Variants in CNNM2 observed in about 807,000 individuals in gnomAD.
The protein encoded by CNNM2 is cyclin and CBS domain divalent metal cation transport mediator 2.
A neutral mutation model predicts 66.9 loss-of-function variants in CNNM2; 12 were observed. That is an observed-to-expected ratio of 0.18 (90% CI 0.11 to 0.29). CNNM2 has a LOEUF of 0.29. Among genes scored for constraint, CNNM2 ranks in the 10% least tolerant of loss-of-function variants. The pLI, the probability that CNNM2 is intolerant of heterozygous loss-of-function variation, is 1.00. For synonymous variants in CNNM2, 557 were observed against 501.8 expected, an observed-to-expected ratio of 1.11 and a Z score of -1.47; for missense variants, 705 against 1,167.7, an observed-to-expected ratio of 0.60 and a Z score of 5.77.
intron 1 of CNNM2, among the ~76,000 whole-genome samples, chr10:102,949,745 G>T (rs1846757864): frequency 6.6e-6 from 1 of 152,000 alleles, no homozygotes; most frequent in Admixed American, 6.6e-5. Context: ...AGCCGAGATT[G>T]CGCCACTGTA....
intron 1 of CNNM2, among the ~76,000 whole-genome samples, chr10:102,933,200 G>A (rs1370683379): frequency 6.6e-6 from 1 of 152,136 alleles, no homozygotes; most frequent in Admixed American, 6.5e-5. Flanking sequence ...TAGGGGCATT[G>A]CATCTGTAGA....
rs748865976 is a variant in CNNM2, at chr10:103,077,000, G to C, written c.2448G>C (p.Leu816Phe). 23 of 1,613,942 alleles carry C rather than the reference G, an allele frequency of 1.4e-5. No homozygotes were observed. Among genetic ancestry groups the C allele is most frequent in the Non-Finnish European group, 1.9e-5 (22 of 1,179,896 alleles). Residue 816 changes from leucine to phenylalanine, a missense_variant, in exon 8 of 8, where the codon TTG (leucine) becomes TTC (phenylalanine). Physicochemically the swap from Leu to Phe is conservative, Grantham distance 22. Around this residue, in one of 9 missense-constraint regions of CNNM2, gnomAD observed 194 missense variants for 227.6 expected, o/e 0.85. Transcript: ENST00000369878. ...KISRQQYQNA[L>F]MASRMDKTPQ... ...CAAGACAGCAATACCAAAATGCCTT[G>C]ATGGCATCCCGGATGGACAAAACCC...
rs74969263 is a variant in CNNM2 at position 103,028,186 on chromosome 10, T to C, written c.1622-21521T>C. On this transcript the variant is annotated intron_variant, in intron 1 of 7. Transcript: ENST00000369878. The stretch of plus-strand genomic sequence containing the variant: ...TACTCACAGAAAGCTTAAGACAGTT[T>C]GTCATTTTTACCAAGGACCAGGTCC... 5.3e-3 allele frequency among the ~76,000 whole-genome samples: 815 copies of C among 152,340 alleles called. 7 individuals are homozygous for C. The highest frequency in any genetic ancestry group is 0.018 in the African/African-American group (768 of 41,572).
At chr10:103,008,644 T>C (rs1374848194) in intron 1 of CNNM2, among the ~76,000 whole-genome samples, 4 of 152,014 alleles carry the variant, frequency 2.6e-5, no homozygotes, top group African/African-American at 9.7e-5. Flanking sequence ...CCGGGCGTGG[T>C]GGCACATGCC....
chr10:102,963,877 C>T (rs990025242), intron 1 of CNNM2, among the ~76,000 whole-genome samples: 4 of 152,130 alleles, frequency 2.6e-5, no homozygotes, highest in African/African-American at 7.2e-5. Flanking sequence ...TGTGGAAATT[C>T]AGAGGAGCAG....
At chr10:103,023,188 A>G (rs574087203) in intron 1 of CNNM2, among the ~76,000 whole-genome samples, 1 of 152,286 alleles carries the variant, frequency 6.6e-6, no homozygotes, top group East Asian at 1.9e-4. Context: ...TACAGGCATA[A>G]GCCACCATGC....
rs567127169 is a variant in CNNM2, at chr10:103,067,375, A to G, written c.2074-1254A>G. ...GAGCCACTGCTCCCAGCCTCCTAGCATCCTGATGAAGAGCTTGTTCTTTAC... is the reference window on the plus strand; with the variant it reads ...GAGCCACTGCTCCCAGCCTCCTAGCGTCCTGATGAAGAGCTTGTTCTTTAC... On this transcript the variant is annotated intron_variant, in intron 4 of 7. Transcript: ENST00000369878. 1.9e-4 allele frequency among the ~76,000 whole-genome samples: 29 copies of G among 152,238 alleles called. No homozygotes were observed. In the South Asian group the frequency reaches 2.1e-3, roughly 11 times the overall value.
At chr10:102,939,211 C>T (rs536064424) in intron 1 of CNNM2, among the ~76,000 whole-genome samples, 1 of 152,176 alleles carries the variant, frequency 6.6e-6, no homozygotes, top group Non-Finnish European at 1.5e-5. Flanking sequence ...GTAAATATTT[C>T]CTTAAGGCTT....
At chr10:102,934,703 G>T (rs1245451357) in intron 1 of CNNM2, among the ~76,000 whole-genome samples, 1 of 152,142 alleles carries the variant, frequency 6.6e-6, no homozygotes, top group African/African-American at 2.4e-5. Context: ...CGTAAACCAG[G>T]TGTTGTGGCA....
chr10:103,036,285 G>C (rs975223256), intron 1 of CNNM2, among the ~76,000 whole-genome samples: 3 of 152,240 alleles, frequency 2.0e-5, no homozygotes, highest in Non-Finnish European at 2.9e-5. Flanking sequence ...ACAGTCTGAA[G>C]TTGTTTTCTA....
chr10:102,972,072 T>G (rs957166540), intron 1 of CNNM2, among the ~76,000 whole-genome samples: 2 of 152,176 alleles, frequency 1.3e-5, no homozygotes, highest in Admixed American at 6.6e-5. Context: ...GCGTTTTTCC[T>G]TACAGAAGTC....
intron 4 of CNNM2, among the ~76,000 whole-genome samples, chr10:103,067,730 A>G (rs1282809738): frequency 1.3e-5 from 2 of 152,198 alleles, no homozygotes; most frequent in African/African-American, 4.8e-5. Context: ...AAGACACTCT[A>G]TCCCAAAAGA....
intron 1 of CNNM2, among the ~76,000 whole-genome samples, chr10:102,963,733 A>G (rs558021438): frequency 1.3e-5 from 2 of 152,272 alleles, no homozygotes; most frequent in Non-Finnish European, 2.9e-5. Flanking sequence ...TCGTGTATTC[A>G]GCATCTGCTC....
At chr10:103,072,328 C>T (rs1367625884) in intron 6 of CNNM2, among the ~76,000 whole-genome samples, 1 of 152,216 alleles carries the variant, frequency 6.6e-6, no homozygotes, top group African/African-American at 2.4e-5. Context: ...TCCACACAGG[C>T]GCACGACATT....
intron 1 of CNNM2, among the ~76,000 whole-genome samples, chr10:103,006,437 C>A (rs2064229796): frequency 6.6e-6 from 1 of 152,024 alleles, no homozygotes; most frequent in Non-Finnish European, 1.5e-5. Flanking sequence ...GAATCCGGAC[C>A]TCAAGTGATC....
chr10:103,035,082 C>T (rs2064910487), intron 1 of CNNM2, among the ~76,000 whole-genome samples: 1 of 151,710 alleles, frequency 6.6e-6, no homozygotes, highest in South Asian at 2.1e-4. Context: ...TCCAGGAATT[C>T]GAGACCAGTC....
At chr10:103,055,659 T>C (rs1313448224) in intron 3 of CNNM2, among the ~76,000 whole-genome samples, 1 of 152,256 alleles carries the variant, frequency 6.6e-6, no homozygotes, top group Non-Finnish European at 1.5e-5. Flanking sequence ...AATTACTATC[T>C]TATTACAAAA....
Position 102,986,712 on chromosome 10 carries a change from G to A in CNNM2, c.1622-62995G>A, listed in dbSNP as rs188028597. ...GGAGAATGCTGTGAACCTGGGAGGC[G>A]GAGCTTGCAGTGACCCGAGATTGCG... is the stretch of plus-strand genomic sequence containing the variant. On this transcript the variant is annotated intron_variant, in intron 1 of 7. Coordinates refer to ENST00000369878, the MANE Select transcript of CNNM2 (RefSeq NM_017649.5). Among the ~76,000 whole-genome samples, 112 of 150,988 alleles carry A rather than the reference G, an allele frequency of 7.4e-4. 1 individual carries two copies. The highest frequency in any genetic ancestry group is 2.5e-3 in the African/African-American group (104 of 41,048).
At chr10:102,927,231 G>A in intron 1 of CNNM2, 2 of 1,368,256 alleles carry the variant, frequency 1.5e-6, no homozygotes, top group Non-Finnish European at 2.0e-6. Context: ...AATTCATTAA[G>A]ATTTGCTTGA....
Sources: allele counts gnomAD v4.1 joint callset (sites outside exome capture counted in the v4.1 genomes callset), GRCh38; gene constraint gnomAD v4.1.1; regional missense constraint gnomAD v4.1.1; transcripts MANE v1.5; gene names NCBI Gene and HGNC (gene_info 2026-07-23, HGNC 2026-07-21).